Variants in TGFBRAP1 observed in about 807,000 individuals in gnomAD.
The protein encoded by TGFBRAP1 is transforming growth factor beta receptor associated protein 1.
A neutral mutation model predicts 83.2 loss-of-function variants in TGFBRAP1; 20 were observed. That is an observed-to-expected ratio of 0.24 (90% CI 0.17 to 0.35). TGFBRAP1 has a LOEUF of 0.35. Ranked by LOEUF, TGFBRAP1 falls within the 10% of genes least tolerant of loss-of-function variation. The pLI, the probability that TGFBRAP1 is intolerant of heterozygous loss-of-function variation, is 1.00. For missense variants in TGFBRAP1, 950 were observed against 1,099.4 expected (o/e 0.86, Z 1.92); for synonymous variants, 415 against 459.8 (o/e 0.90, Z 1.25).
intron 6 of TGFBRAP1, 39 bp downstream of exon 6, chr2:105,280,343 G>A (rs762041862): frequency 6.3e-6 from 10 of 1,587,224 alleles, no homozygotes; most frequent in Admixed American, 5.1e-5. Context: ...AAGGGTGCAG[G>A]GCGGGAAGCC....
At chr2:105,281,129 T>A (rs1677524269) in intron 5 of TGFBRAP1, among the ~76,000 whole-genome samples, 1 of 152,202 alleles carries the variant, frequency 6.6e-6, no homozygotes. Flanking sequence ...TGGCACTAAA[T>A]TACAAACAGA....
At chr2:105,264,136 A>C (rs559101097), downstream of TGFBRAP1, among the ~76,000 whole-genome samples, 8 of 152,352 alleles carry the variant, frequency 5.3e-5, no homozygotes, top group East Asian at 1.5e-3. Context: ...CTTATTTAAG[A>C]GTATCTGGCT....
At chr2:105,292,432 C>T (rs991280775) in intron 4 of TGFBRAP1, among the ~76,000 whole-genome samples, 6 of 152,112 alleles carry the variant, frequency 3.9e-5, no homozygotes, top group Admixed American at 6.5e-5. Flanking sequence ...TCAAACACAG[C>T]TCCAAGTGGG....
chr2:105,290,360 C>T (rs562795132), intron 4 of TGFBRAP1, among the ~76,000 whole-genome samples: 32 of 152,302 alleles, frequency 2.1e-4, no homozygotes, highest in Middle Eastern at 3.4e-3. Context: ...AGTCGCTGCA[C>T]CTGGCCAGCA....
At chr2:105,278,779 CCTT>C (rs1677434344) in intron 6 of TGFBRAP1, among the ~76,000 whole-genome samples, 2 of 152,182 alleles carry the variant, frequency 1.3e-5, no homozygotes, top group South Asian at 4.2e-4. Flanking sequence ...CTGCTTGAAT[CCTT>C]CTCTTTTCCT....
chr2:105,259,549 A>C (rs573211230), downstream of TGFBRAP1, among the ~76,000 whole-genome samples: 4 of 152,280 alleles, frequency 2.6e-5, no homozygotes, highest in East Asian at 7.7e-4. Context: ...TGGGCACACA[A>C]CACACCTCCT....
At position 105,307,868 on chromosome 2, in the gene TGFBRAP1, C is replaced by T. The variant is rs1402526913; in HGVS notation, c.434G>A (p.Arg145His). 7.4e-6 allele frequency: 12 copies of T among 1,614,090 alleles called. No homozygotes were observed. The highest frequency in any genetic ancestry group is 2.2e-5 in the South Asian group (2 of 91,090). Residue 145 changes from arginine (R) to histidine (H), a missense_variant, in exon 2 of 12, where the codon CGC (arginine) becomes CAC (histidine). Coordinates refer to ENST00000393359, the MANE Select transcript of TGFBRAP1 (RefSeq NM_004257.6). ...CACCAGAAACATCTGGATGGTTCTGCGTTTGACAGAGATGATGCAAACTTC... is the reference window on the plus strand; with the variant it reads ...CACCAGAAACATCTGGATGGTTCTGTGTTTGACAGAGATGATGCAAACTTC... ...CVEVCIISVK[R>H]RTIQMFLVYE...
At chr2:105,254,570 G>A in the TGFBRAP1 span, among the ~76,000 whole-genome samples, 1 of 151,924 alleles carries the variant, frequency 6.6e-6, no homozygotes, top group Non-Finnish European at 1.5e-5. Context: ...ATTGCTCGTG[G>A]CCACTTCAGG....
intron 2 of TGFBRAP1, among the ~76,000 whole-genome samples, chr2:105,302,580 C>G (rs1678337151): frequency 6.6e-6 from 1 of 151,654 alleles, no homozygotes; most frequent in Non-Finnish European, 1.5e-5. Flanking sequence ...TACCATTTAG[C>G]CAAGGAGGAG....
chr2:105,324,440 T>TA (rs1679163650), intron 1 of TGFBRAP1, among the ~76,000 whole-genome samples: 2 of 152,150 alleles, frequency 1.3e-5, no homozygotes, highest in Admixed American at 6.5e-5. Flanking sequence ...TGTCAGTGAC[T>TA]AAAAAGGACA....
Position 105,300,791 on chromosome 2 carries a change from A to G in TGFBRAP1, c.689-2086T>C, listed in dbSNP as rs543426436. On this transcript the variant is annotated intron_variant, in intron 2 of 11. Transcript: ENST00000393359. The stretch of plus-strand genomic sequence containing the variant: ...GTATTGGCACGTGAATAGGCAAATG[A>G]ACTGACAGAATAAAACAGAAAATCC... Among the ~76,000 whole-genome samples the G allele has an allele frequency of 9.8e-5, 15 of 152,350 alleles. 1 individual carries two copies. The South Asian group carries it at 3.1e-3, about 32-fold the overall frequency.
intron 11 of TGFBRAP1, among the ~76,000 whole-genome samples, chr2:105,268,766 A>C (rs1331091033): frequency 6.6e-6 from 1 of 152,228 alleles, no homozygotes; most frequent in East Asian, 1.9e-4. Flanking sequence ...AAGTCTCCCG[A>C]AGGTGAGTAC....
downstream of TGFBRAP1, among the ~76,000 whole-genome samples, chr2:105,259,724 C>A (rs1251423636): frequency 2.6e-5 from 4 of 152,200 alleles, no homozygotes; most frequent in African/African-American, 9.7e-5. Flanking sequence ...CTGTCTCTGG[C>A]CACATTTTCC....
At chr2:105,262,500 G>A (rs576286784), downstream of TGFBRAP1, among the ~76,000 whole-genome samples, 65 of 152,266 alleles carry the variant, frequency 4.3e-4, no homozygotes, top group South Asian at 2.9e-3. Context: ...GTAGAACAAT[G>A]AGCCAAACAA....
chr2:105,309,996 C>T (rs1678640503), intron 1 of TGFBRAP1, among the ~76,000 whole-genome samples: 1 of 152,102 alleles, frequency 6.6e-6, no homozygotes, highest in African/African-American at 2.4e-5. Flanking sequence ...AACACTGAGC[C>T]TACCATGCCT....
chr2:105,275,798 A>C, intron 7 of TGFBRAP1, 95 bp from the exon 8 acceptor site: 1 of 1,343,442 alleles, frequency 7.4e-7, no homozygotes, highest in Non-Finnish European at 9.9e-7. Context: ...GCATATGTTT[A>C]CTTATTTGGC....
chr2:105,264,633 G>T lies in TGFBRAP1; in HGVS notation c.*2750C>A, dbSNP rs896036252. 1 of 152,262 alleles carries T rather than the reference G, an allele frequency of 6.6e-6. No individual in the cohort carries two copies. The highest frequency in any genetic ancestry group is 2.4e-5 in the African/African-American group (1 of 41,462). The allele number at this position is 152,262 out of a possible 1,614,324, so 9.4% of individuals were successfully genotyped here. On this transcript the variant is annotated 3_prime_UTR_variant, in exon 12 of 12. Coordinates refer to ENST00000393359, the MANE Select transcript of TGFBRAP1 (RefSeq NM_004257.6). ...GGCATCCATTCAGAGCTGGGACCCC[G>T]CAGCCACCTGCCTGTGCTCCGGAAG...
the TGFBRAP1 span, among the ~76,000 whole-genome samples, chr2:105,258,248 C>T: frequency 6.6e-6 from 1 of 152,134 alleles, no homozygotes; most frequent in Non-Finnish European, 1.5e-5. Flanking sequence ...GTCTTCCTGG[C>T]CCACTGGATG....
chr2:105,321,255 C>T (rs1012440497), intron 1 of TGFBRAP1, among the ~76,000 whole-genome samples: 10 of 152,098 alleles, frequency 6.6e-5, no homozygotes, highest in African/African-American at 2.4e-4. Flanking sequence ...CAACCTCTGC[C>T]TCCCAGGTTC....
Sources: gnomAD v4.1 joint callset for allele counts (sites outside exome capture counted in the v4.1 genomes callset) on GRCh38, gnomAD v4.1.1 for gene constraint, MANE v1.5 for transcripts, NCBI Gene and HGNC (gene_info 2026-07-23, HGNC 2026-07-21) for gene names.